E2F6: variants seen among roughly 807,000 people sequenced by gnomAD.
E2F6 encodes E2F transcription factor 6.
A neutral mutation model predicts 31.5 loss-of-function variants in E2F6; 19 were observed. That is an observed-to-expected ratio of 0.60 (90% CI 0.42 to 0.89). E2F6 has a LOEUF of 0.89. Ranked by LOEUF, E2F6 falls within the 40% of genes least tolerant of loss-of-function variation. E2F6 has a pLI of 0.00. For synonymous variants in E2F6, 121 were observed against 127.7 expected, an observed-to-expected ratio of 0.95 and a Z score of 0.36; for missense variants, 269 against 341.6, an observed-to-expected ratio of 0.79 and a Z score of 1.67.
intron 1 of E2F6, among the ~76,000 whole-genome samples, chr2:11,459,425 A>T (rs1671623194): frequency 1.3e-5 from 2 of 152,224 alleles, no homozygotes; most frequent in South Asian, 4.1e-4. Context: ...CTATCAATGC[A>T]GTTCCATTAC....
chr2:11,457,362 G>T, intron 1 of E2F6, 129 bp from the exon 2 acceptor site: 1 of 627,110 alleles, frequency 1.6e-6, no homozygotes, highest in Non-Finnish European at 2.8e-6. Flanking sequence ...AGAGGCTCAC[G>T]CCTGTAATCC....
At chr2:11,458,824 A>G (rs1486336935) in intron 1 of E2F6, among the ~76,000 whole-genome samples, 7 of 152,194 alleles carry the variant, frequency 4.6e-5, no homozygotes, top group Admixed American at 2.0e-4. Flanking sequence ...AAATTAATTT[A>G]GTTGTTAGAA....
chr2:11,454,276 AT>A (rs1420466771), intron 2 of E2F6, among the ~76,000 whole-genome samples: 1 of 151,800 alleles, frequency 6.6e-6, no homozygotes, highest in African/African-American at 2.4e-5. Flanking sequence ...TGTCTGATGA[AT>A]TTTTTTGAAA....
In E2F6 at chr2:11,444,797, T is replaced by C. The variant is rs1213172182; in HGVS notation, c.*1680A>G. 6.6e-6 allele frequency: 1 copy of C among 152,284 alleles called. No individual in the cohort carries two copies. The highest frequency in any genetic ancestry group is 1.5e-5 in the Non-Finnish European group (1 of 68,116). 9.4% of individuals were successfully genotyped at this position (152,284 alleles called of 1,614,324 possible). On this transcript the variant is annotated 3_prime_UTR_variant, in exon 7 of 7. Transcript: ENST00000381525. ...CACAACAACCTGCTCAACTCTTGCT[T>C]TCATCAAGCATGTCCCAAACCTAAG...
rs1355752876 is a variant in E2F6, at chr2:11,463,347, TTC to T, written c.108+2423_108+2424del. 2.0e-5 allele frequency among the ~76,000 whole-genome samples: 3 copies of T among 152,254 alleles called. No individual in the cohort carries two copies. The East Asian group carries it at 5.8e-4, about 29-fold the overall frequency. On this transcript the variant is annotated intron_variant, in intron 1 of 6. Transcript: ENST00000381525. ...CTAATTCCCCCGAAGGAGTAGGATT[TTC>T]TCTTATTTATGATTTTCTTAATAAC...
intron 4 of E2F6, 120 bp from the exon 5 acceptor site, chr2:11,450,246 G>A: frequency 2.0e-6 from 1 of 492,222 alleles, no homozygotes; most frequent in Non-Finnish European, 3.5e-6. Context: ...TGAGATACAA[G>A]TTCACCATTA....
At chr2:11,464,373 C>T (rs781005487) in intron 1 of E2F6, among the ~76,000 whole-genome samples, 8 of 151,700 alleles carry the variant, frequency 5.3e-5, no homozygotes, top group Admixed American at 1.3e-4. Context: ...AAAAATTAGC[C>T]GTGCGTGGTG....
At chr2:11,455,051 T>C (rs1338948298) in intron 2 of E2F6, among the ~76,000 whole-genome samples, 1 of 152,222 alleles carries the variant, frequency 6.6e-6, no homozygotes, top group Non-Finnish European at 1.5e-5. Flanking sequence ...TATGTCCCCT[T>C]AACTGGACAT....
At chr2:11,457,671 T>C (rs1357713140) in intron 1 of E2F6, among the ~76,000 whole-genome samples, 1 of 152,110 alleles carries the variant, frequency 6.6e-6, no homozygotes, top group Non-Finnish European at 1.5e-5. Flanking sequence ...CAAAATATAC[T>C]GAATACATCA....
chr2:11,458,180 A>G, intron 1 of E2F6: 1 of 1,305,768 alleles, frequency 7.7e-7, no homozygotes, highest in Non-Finnish European at 1.1e-6. Context: ...TTATCTAAGA[A>G]AAAACTGGCC....
Position 11,458,296 on chromosome 2 carries a change from G to A in E2F6, c.109-1063C>T, listed in dbSNP as rs760982877. On this transcript the variant is annotated intron_variant, in intron 1 of 6. Coordinates refer to ENST00000381525, the MANE Select transcript of E2F6 (RefSeq NM_198256.4). ...GGGAACTCACAGAAGGATTCATGGC[G>A]AAGGCAGCCCTCAGCTGAGCCTAGC... 9.0e-6 allele frequency: 14 copies of A among 1,551,694 alleles called. No individual in the cohort carries two copies. In the African/African-American group the frequency reaches 1.2e-4, roughly 14 times the overall value.
rs1670691482 is a variant in E2F6 at position 11,446,035 on chromosome 2, AG to A, written c.*441del. Reference sequence around the variant, plus strand: ...CTCAACATTATACAGATATATACAAAGACATCACATTTAAATTCGTGTGTAC... The same window carrying A: ...CTCAACATTATACAGATATATACAAAACATCACATTTAAATTCGTGTGTAC... On this transcript the variant is annotated 3_prime_UTR_variant, in exon 7 of 7. Coordinates refer to ENST00000381525, the MANE Select transcript of E2F6 (RefSeq NM_198256.4). 1 of 159,000 alleles carries A rather than the reference AG, an allele frequency of 6.3e-6. No homozygotes were observed. Among genetic ancestry groups the A allele is most frequent in the African/African-American group, 2.4e-5 (1 of 41,722 alleles). 9.8% of individuals were successfully genotyped at this position (159,000 alleles called of 1,614,324 possible). A position where few individuals can be genotyped will look rare whatever the true frequency, so the allele number is the denominator to read the frequency against.
intron 5 of E2F6, among the ~76,000 whole-genome samples, chr2:11,449,146 T>C (rs1426003105): frequency 2.0e-5 from 3 of 152,326 alleles, no homozygotes; most frequent in South Asian, 4.1e-4. Context: ...GATGTGTTGA[T>C]TGGCAGTTTC....
chr2:11,453,137 A>G lies in E2F6; in HGVS notation c.380+445T>C, dbSNP rs568284355. On this transcript the variant is annotated intron_variant, in intron 3 of 6. Transcript: ENST00000381525. ...CCATTGGATTTCTCCTCATCATGTC[A>G]AGTCTTTAGCAACTGTCTTTTAGAC... 5.3e-5 allele frequency among the ~76,000 whole-genome samples: 8 copies of G among 151,548 alleles called. No individual in the cohort carries two copies. In the East Asian group the frequency reaches 1.5e-3, roughly 29 times the overall value.
At chr2:11,459,318 C>T (rs1671616628) in intron 1 of E2F6, among the ~76,000 whole-genome samples, 2 of 152,136 alleles carry the variant, frequency 1.3e-5, no homozygotes, top group Admixed American at 1.3e-4. Context: ...ACCTCCCTAC[C>T]CATCTCATCT....
intron 1 of E2F6, among the ~76,000 whole-genome samples, chr2:11,465,186 A>AAAG (rs988895375): frequency 2.0e-5 from 3 of 148,378 alleles, no homozygotes; most frequent in African/African-American, 7.4e-5. Flanking sequence ...CTCAAAAAAA[A>AAAG]AAAAAAAAAA....
At chr2:11,451,537 A>C (rs1484678974) in intron 4 of E2F6, 114 bp downstream of exon 4, 1 of 1,113,842 alleles carries the variant, frequency 9.0e-7, no homozygotes, top group Non-Finnish European at 1.2e-6. Context: ...TTTAACTTTC[A>C]ATGGTCTAAT....
At chr2:11,451,940 C>T (rs960541190) in intron 3 of E2F6, 134 bp from the exon 4 acceptor site, 8 of 789,144 alleles carry the variant, frequency 1.0e-5, no homozygotes, top group Admixed American at 2.9e-5. Flanking sequence ...GGACTTTTAA[C>T]TTCTGCCGTC....
At chr2:11,450,159 G>A in intron 4 of E2F6, 33 bp from the exon 5 acceptor site, 1 of 1,417,874 alleles carries the variant, frequency 7.1e-7, no homozygotes, top group Non-Finnish European at 9.9e-7. Flanking sequence ...TACACAGAAT[G>A]CTGTTTACTG....
Sources: gnomAD v4.1 joint callset for allele counts (sites outside exome capture counted in the v4.1 genomes callset) on GRCh38, gnomAD v4.1.1 for gene constraint, MANE v1.5 for transcripts, NCBI Gene and HGNC (gene_info 2026-07-23, HGNC 2026-07-21) for gene names.